POLG: variants seen among roughly 807,000 people sequenced by gnomAD.
POLG encodes DNA polymerase subunit gamma-1.
A neutral mutation model predicts 155.4 loss-of-function variants in POLG; 110 were observed. The observed-to-expected ratio is 0.71, with a 90% CI of 0.61 to 0.83. POLG has a LOEUF of 0.83. POLG is among the 40% of genes least tolerant of loss of function. POLG has a pLI of 0.00. For missense variants in POLG, 1,685 were observed against 1,627.5 expected (o/e 1.04, Z -0.61); for synonymous variants, 701 against 631.5 (o/e 1.11, Z -1.65).
chr15:89,329,592 A>G (rs1208890725), intron 3 of POLG, among the ~76,000 whole-genome samples: 1 of 152,158 alleles, frequency 6.6e-6, no homozygotes, highest in Admixed American at 6.5e-5. Context: ...CCAGTGAAAA[A>G]ACACTTTTCA....
At chr15:89,322,646 C>T in intron 14 of POLG, 96 bp downstream of exon 14, 1 of 1,364,534 alleles carries the variant, frequency 7.3e-7, no homozygotes, top group Non-Finnish European at 1.0e-6. Flanking sequence ...AGACCATAGT[C>T]AGGCTGGCCC....
In POLG at chr15:89,333,237, T is replaced by C. The variant is rs2141814662; in HGVS notation, c.518A>G (p.Glu173Gly). The C allele has an allele frequency of 1.9e-6, 3 of 1,578,806 alleles. No homozygotes were observed. ...CTCGGGGCCGTACCGGGTCCAGCCC[T>C]CCGCCCAGGCCCAAGCCGGGGGCTT... ...PPKPPAWAWA[E>G]GWTRYGPEGE... Residue 173 changes from glutamate to glycine, a missense_variant, in exon 2 of 23, where the codon GAG becomes GGG. This residue lies in a region of POLG where 1,210 missense variants were observed against 1,167.1 expected (regional missense o/e 1.04). Coordinates refer to ENST00000268124, the MANE Select transcript of POLG (RefSeq NM_002693.3).
rs944982505 is a variant in POLG at position 89,322,628 on chromosome 15, A to G, written c.2426+114T>C. The G allele has an allele frequency of 3.5e-6, 4 of 1,149,870 alleles. No homozygotes were observed. The African/African-American group carries it at 4.5e-5, about 13-fold the overall frequency. 71.2% of individuals were successfully genotyped at this position (1,149,870 alleles called of 1,614,324 possible). On this transcript the variant is annotated intron_variant, in intron 14 of 22. Transcript: ENST00000268124. Reference sequence around the variant, plus strand: ...CATGGCACCAGGACCAAAAGTAGCCAGGCCTCTAGACCATAGTCAGGCTGG... The same window carrying G: ...CATGGCACCAGGACCAAAAGTAGCCGGGCCTCTAGACCATAGTCAGGCTGG...
chr15:89,328,823 G>A lies in POLG; in HGVS notation c.1032C>T (p.Ser344=). 6.2e-7 allele frequency: 1 copy of A among 1,614,130 alleles called. No homozygotes were observed. Among genetic ancestry groups the A allele is most frequent in the Non-Finnish European group, 8.5e-7 (1 of 1,180,040 alleles). The change falls in exon 5 of 23, where the codon TCC becomes TCT. Residue 344 remains serine (S), a synonymous_variant. Coordinates refer to ENST00000268124, the MANE Select transcript of POLG (RefSeq NM_002693.3). ...CACTGCTGATGTCCAGCCAGTCCCA[G>A]GATGAGATCTGGGGAACCAGAGCAA... ...RKARRGPAIS[S]WDWLDISSVN... is the part of the protein sequence containing the mutation.
rs2055507504 is a variant in POLG, at chr15:89,325,689, A to G, written c.1713-3T>C. 2 of 1,599,856 alleles carry G rather than the reference A, an allele frequency of 1.3e-6. No homozygotes were observed. The highest frequency in any genetic ancestry group is 1.7e-6 in the Non-Finnish European group (2 of 1,175,276). Reference sequence around the variant, plus strand: ...GGGGGCAGAGCTTCCGGTACCATCTACGTCCCAGCAGGAAGACAGCAGTGT... The same window carrying G: ...GGGGGCAGAGCTTCCGGTACCATCTGCGTCCCAGCAGGAAGACAGCAGTGT... On this transcript the variant is annotated splice_polypyrimidine_tract_variant and splice_region_variant and intron_variant, in intron 9 of 22. Coordinates refer to ENST00000268124, the MANE Select transcript of POLG (RefSeq NM_002693.3).
rs1567190003 is a variant in POLG, at chr15:89,325,259, T to TGAGTGAGA, written c.1949+190_1949+191insTCTCACTC. ...GAGAGTGAGTGAGTGAGAGAGAGAG[T>TGAGTGAGA]GAGTGAGTGAGTGAGAGAGAGAGAA... is the stretch of plus-strand genomic sequence containing the variant. On this transcript the variant is annotated intron_variant, in intron 10 of 22. Transcript: ENST00000268124. 3.1e-4 allele frequency among the ~76,000 whole-genome samples: 25 copies of TGAGTGAGA among 80,408 alleles called. 1 individual carries two copies. The highest frequency in any genetic ancestry group is 7.2e-4 in the South Asian group (2 of 2,778). 52.8% of individuals were successfully genotyped at this position (80,408 alleles called of 152,430 possible).
At position 89,325,183 on chromosome 15, in the gene POLG, T is replaced by TGAGA. The variant is rs1475073651; in HGVS notation, c.1949+266_1949+267insTCTC. Among the ~76,000 whole-genome samples, 8 of 45,768 alleles carry TGAGA rather than the reference T, an allele frequency of 1.7e-4. 1 individual carries two copies. Among genetic ancestry groups the TGAGA allele is most frequent in the East Asian group, 1.5e-3 (3 of 2,004 alleles). 30.0% of individuals were successfully genotyped at this position (45,768 alleles called of 152,430 possible). ...GTGAGTGAGTGAGAGAGTGAGAGAG[T>TGAGA]GAGTGAGTGAGAGAGTGAGTGAGAG... On this transcript the variant is annotated intron_variant, in intron 10 of 22. Coordinates refer to ENST00000268124, the MANE Select transcript of POLG (RefSeq NM_002693.3).
Position 89,328,758 on chromosome 15 carries a change from C to A in POLG, c.1097G>T (p.Gly366Val). ...TCGAGGCTCCTTCTCTAAGGGAGGC[C>A]CCCCTACATAAAGTCTGTGCACCTC... ...LAEVHRLYVG[G>V]PPLEKEPREL... is the part of the protein sequence containing the mutation. The change falls in exon 5 of 23, where the codon GGG (glycine) becomes GTG (valine). Residue 366 changes from glycine (G) to valine (V), a missense_variant. Physicochemically the swap from Gly to Val is moderately radical, Grantham distance 109. This residue lies in a region of POLG where 1,210 missense variants were observed against 1,167.1 expected (regional missense o/e 1.04). Transcript: ENST00000268124. The A allele has an allele frequency of 1.9e-6, 3 of 1,614,104 alleles. No individual in the cohort carries two copies. The highest frequency in any genetic ancestry group is 1.3e-5 in the African/African-American group (1 of 75,052).
Position 89,316,401 on chromosome 15 carries a change from C to T in POLG, c.*350G>A, listed in dbSNP as rs2055264903. On this transcript the variant is annotated 3_prime_UTR_variant, in exon 23 of 23. Coordinates refer to ENST00000268124, the MANE Select transcript of POLG (RefSeq NM_002693.3). ...ATTAATTCTTTCCCCTTCTAGGGCA[C>T]TGCATCAGAGCATGGGGGACAGAAC... The T allele has an allele frequency of 1.2e-6, 2 of 1,611,720 alleles. No individual in the cohort carries two copies. The highest frequency in any genetic ancestry group is 1.3e-5 in the African/African-American group (1 of 74,796).
intron 6 of POLG, 81 bp from the exon 7 acceptor site, chr15:89,327,430 C>G: frequency 7.7e-7 from 1 of 1,298,974 alleles, no homozygotes; most frequent in Non-Finnish European, 1.1e-6. Flanking sequence ...TTTAGCAAGC[C>G]TCAACCCAGC....
chr15:89,332,537 T>C (rs1175266058), intron 2 of POLG, among the ~76,000 whole-genome samples: 1 of 147,880 alleles, frequency 6.8e-6, no homozygotes, highest in African/African-American at 2.5e-5. Flanking sequence ...GGAAGCAATG[T>C]TTCTCAACTA....
intron 18 of POLG, among the ~76,000 whole-genome samples, chr15:89,320,230 C>G (rs538582409): frequency 6.6e-6 from 1 of 152,208 alleles, no homozygotes; most frequent in Non-Finnish European, 1.5e-5. Context: ...TACCTCTCTT[C>G]CCTCAATGTT....
At position 89,317,432 on chromosome 15, in the gene POLG, T is replaced by G; in HGVS notation, c.3587A>C (p.Asp1196Ala). ...AGTTGGGTTGGAAGGGGTTTTACAATCCATGGTCACTTCCTTCCTGAGGCA... is the reference window on the plus strand; with the variant it reads ...AGTTGGGTTGGAAGGGGTTTTACAAGCCATGGTCACTTCCTTCCTGAGGCA... ...DRCLRKEVTM[D>A]CKTPSNPTGM... The change falls in exon 22 of 23, where the codon GAT becomes GCT. Residue 1196 changes from aspartate to alanine, a missense_variant. Asp to Ala is a moderately radical substitution (Grantham distance 126). Coordinates refer to ENST00000268124, the MANE Select transcript of POLG (RefSeq NM_002693.3). The G allele has an allele frequency of 6.2e-7, 1 of 1,614,052 alleles. No homozygotes were observed. The highest frequency in any genetic ancestry group is 8.5e-7 in the Non-Finnish European group (1 of 1,179,942).
intron 1 of POLG, 100 bp downstream of exon 1, chr15:89,334,573 A>C (rs960107600): frequency 1.3e-5 from 2 of 152,094 alleles, no homozygotes; most frequent in Non-Finnish European, 2.9e-5. Context: ...CCCTGGGACT[A>C]GCCGCCGCCC....
At chr15:89,333,004 C>A in intron 2 of POLG, 92 bp downstream of exon 2, 1 of 1,475,614 alleles carries the variant, frequency 6.8e-7, no homozygotes, top group Non-Finnish European at 9.0e-7. Flanking sequence ...GAGCACCCAG[C>A]CCGTAACAGG....
chr15:89,325,143 A>AGAGT lies in POLG; in HGVS notation c.1949+303_1949+306dup, dbSNP rs368838895. On this transcript the variant is annotated intron_variant, in intron 10 of 22. Transcript: ENST00000268124. ...GTGAGTGAGTGAGAGAGTGAGTGAG[A>AGAGT]GAGTGAGTGAGTGAGTGAGTGAGTG... 4.1e-4 allele frequency among the ~76,000 whole-genome samples: 20 copies of AGAGT among 49,120 alleles called. 2 individuals carry two copies. The highest frequency in any genetic ancestry group is 1.1e-3 in the East Asian group (2 of 1,794). The allele number at this position is 49,120 out of a possible 152,430, so 32.2% of individuals were successfully genotyped here.
At chr15:89,323,216 T>C (rs906509657) in intron 13 of POLG, among the ~76,000 whole-genome samples, 188 bp downstream of exon 13, 1 of 152,202 alleles carries the variant, frequency 6.6e-6, no homozygotes, top group African/African-American at 2.4e-5. Context: ...ACCATGCCCC[T>C]TGCCACCCGA....
intron 21 of POLG, among the ~76,000 whole-genome samples, 163 bp downstream of exon 21, chr15:89,318,378 G>A (rs1040076115): frequency 6.6e-6 from 1 of 152,084 alleles, no homozygotes; most frequent in African/African-American, 2.4e-5. Flanking sequence ...AGTCTTTTTA[G>A]GACTTCTACA....
chr15:89,317,762 T>C (rs925930887), intron 21 of POLG: 2 of 559,520 alleles, frequency 3.6e-6, no homozygotes, highest in African/African-American at 1.9e-5. Context: ...CAACATACTT[T>C]TTTTTTTTTT....
Sources: allele counts gnomAD v4.1 joint callset (sites outside exome capture counted in the v4.1 genomes callset), GRCh38; gene constraint gnomAD v4.1.1; regional missense constraint gnomAD v4.1.1; transcripts MANE v1.5; gene names NCBI Gene and HGNC (gene_info 2026-07-23, HGNC 2026-07-21).